The following WDFY4 variants were observed in gnomAD, a reference collection of about 807,000 sequenced individuals.
WDFY4 encodes WD repeat- and FYVE domain-containing protein 4.
In WDFY4, 169 loss-of-function variants were observed where a neutral mutation model predicts 351.9. The observed-to-expected ratio is 0.48, with a 90% CI of 0.42 to 0.55. The LOEUF is 0.55. WDFY4 is among the 20% of genes least tolerant of loss of function. WDFY4 has a pLI of 0.00. For missense variants in WDFY4, 3,803 were observed against 3,935.6 expected (o/e 0.97, Z 0.90); for synonymous variants, 1,622 against 1,574.6 (o/e 1.03, Z -0.71).
chr10:48,803,962 G>C (rs1411446966), intron 25 of WDFY4, among the ~76,000 whole-genome samples: 2 of 152,212 alleles, frequency 1.3e-5, no homozygotes, highest in African/African-American at 2.4e-5. Context: ...CTCCTGGGCA[G>C]CTCCTCAGAG....
In WDFY4 at chr10:48,792,735, G is replaced by A. The variant is rs567783101; in HGVS notation, c.4257+1818G>A. 2.1e-4 allele frequency among the ~76,000 whole-genome samples: 32 copies of A among 152,134 alleles called. No individual in the cohort carries two copies. The South Asian group carries it at 3.9e-3, about 19-fold the overall frequency. On this transcript the variant is annotated intron_variant, in intron 23 of 61. Transcript: ENST00000325239. The stretch of plus-strand genomic sequence containing the variant: ...TTTTAATATAAATAAAAATGCAATC[G>A]GTGTCCAAGATTCACATCAAGAACT...
chr10:48,704,118 T>C (rs922672523), intron 1 of WDFY4, among the ~76,000 whole-genome samples: 9 of 152,062 alleles, frequency 5.9e-5, no homozygotes, highest in African/African-American at 2.2e-4. Context: ...CTTCAGCTTC[T>C]CACTATGCTG....
chr10:48,920,355 G>A (rs531368621), intron 47 of WDFY4, among the ~76,000 whole-genome samples: 24 of 151,276 alleles, frequency 1.6e-4, no homozygotes, highest in Non-Finnish European at 3.2e-4. Flanking sequence ...ATCACACACC[G>A]GGGCCTGTTG....
chr10:48,969,329 G>A, intron 56 of WDFY4, 81 bp downstream of exon 56: 2 of 1,498,672 alleles, frequency 1.3e-6, no homozygotes, highest in South Asian at 1.2e-5. Flanking sequence ...CCAGAGATAA[G>A]TGAGTCCAAA....
chr10:48,834,742 A>G (rs924313441), intron 39 of WDFY4, among the ~76,000 whole-genome samples: 1 of 152,244 alleles, frequency 6.6e-6, no homozygotes, highest in African/African-American at 2.4e-5. Flanking sequence ...GGTGCTGGGC[A>G]TGGGCATTCA....
Position 48,941,827 on chromosome 10 carries a change from G to GT in WDFY4, c.7608_7609insT (p.Ile2537TyrfsTer15). 6.4e-7 allele frequency: 1 copy of GT among 1,552,246 alleles called. No homozygotes were observed. Among genetic ancestry groups the GT allele is most frequent in the Non-Finnish European group, 8.7e-7 (1 of 1,147,104 alleles). ...ACAGGAGATACCCCGGCTCTGACAGGATCATGCTGCAGAAGTGGCAGGTAC... is the reference window on the plus strand; with the variant it reads ...ACAGGAGATACCCCGGCTCTGACAGGTATCATGCTGCAGAAGTGGCAGGTAC... On this transcript the variant is annotated frameshift_variant, in exon 48 of 62. Coordinates refer to ENST00000325239, the MANE Select transcript of WDFY4 (RefSeq NM_001394531.1). LOFTEE classifies it high-confidence loss of function.
At chr10:48,764,861 T>C (rs1394185782) in intron 13 of WDFY4, among the ~76,000 whole-genome samples, 4 of 152,226 alleles carry the variant, frequency 2.6e-5, no homozygotes, top group Non-Finnish European at 5.9e-5. Context: ...AACAACATCC[T>C]GATGGCTATA....
intron 54 of WDFY4, among the ~76,000 whole-genome samples, chr10:48,965,992 T>C (rs892486726): frequency 6.6e-6 from 1 of 152,202 alleles, no homozygotes; most frequent in Non-Finnish European, 1.5e-5. Context: ...CACAATCTGA[T>C]GGCAGAGATT....
intron 38 of WDFY4, among the ~76,000 whole-genome samples, chr10:48,831,190 C>T (rs2068177030): frequency 6.6e-6 from 1 of 152,162 alleles, no homozygotes; most frequent in Non-Finnish European, 1.5e-5. Flanking sequence ...GGTTCTAGGT[C>T]CTACCCTGTT....
intron 11 of WDFY4, among the ~76,000 whole-genome samples, chr10:48,742,627 C>T (rs552299553): frequency 6.0e-4 from 91 of 152,216 alleles, no homozygotes; most frequent in Admixed American, 9.1e-4. Flanking sequence ...TAGAGTATGA[C>T]GAGAGTTTTG....
intron 12 of WDFY4, among the ~76,000 whole-genome samples, chr10:48,755,748 C>G (rs1252138611): frequency 6.6e-6 from 1 of 152,064 alleles, no homozygotes; most frequent in Non-Finnish European, 1.5e-5. Flanking sequence ...GTCTTGATTA[C>G]TGTGGCTTTG....
At chr10:48,896,977 C>T (rs2133391360) in intron 44 of WDFY4, among the ~76,000 whole-genome samples, 1 of 152,240 alleles carries the variant, frequency 6.6e-6, no homozygotes. Context: ...GTAGCTGGCA[C>T]AGCGCCAGGC....
chr10:48,772,437 AGT>A (rs1027197098), intron 13 of WDFY4, among the ~76,000 whole-genome samples: 1 of 147,708 alleles, frequency 6.8e-6, no homozygotes, highest in Non-Finnish European at 1.5e-5. Flanking sequence ...GGGGCATGTA[AGT>A]GTGTGTGTAT....
chr10:48,905,545 G>A (rs752636475), intron 47 of WDFY4, among the ~76,000 whole-genome samples: 48 of 152,180 alleles, frequency 3.2e-4, no homozygotes, highest in Non-Finnish European at 6.0e-4. Context: ...GGGTCTTCCA[G>A]GGCTATGCTG....
At chr10:48,864,093 C>G (rs1418232491) in intron 39 of WDFY4, among the ~76,000 whole-genome samples, 3 of 152,164 alleles carry the variant, frequency 2.0e-5, no homozygotes, top group Non-Finnish European at 1.5e-5. Flanking sequence ...CACACAAAGC[C>G]TAACCATATC....
At chr10:48,838,962 G>T (rs2068503172) in intron 39 of WDFY4, among the ~76,000 whole-genome samples, 1 of 152,176 alleles carries the variant, frequency 6.6e-6, no homozygotes, top group Admixed American at 6.5e-5. Context: ...CTGAGGCTGA[G>T]GGCACGTTGA....
chr10:48,843,887 G>A (rs957964400), intron 39 of WDFY4, among the ~76,000 whole-genome samples: 1 of 152,146 alleles, frequency 6.6e-6, no homozygotes, highest in African/African-American at 2.4e-5. Context: ...TAAATTAAGT[G>A]TTTTCAAAAA....
chr10:48,858,686 C>G (rs918768131), intron 39 of WDFY4, among the ~76,000 whole-genome samples: 52 of 152,148 alleles, frequency 3.4e-4, no homozygotes, highest in African/African-American at 1.2e-3. Flanking sequence ...TTTAACTCTC[C>G]TAGTCCCTTT....
At chr10:48,747,318 T>C (rs1370310897) in intron 12 of WDFY4, among the ~76,000 whole-genome samples, 1 of 152,218 alleles carries the variant, frequency 6.6e-6, no homozygotes, top group East Asian at 1.9e-4. Context: ...TGCTTTACTG[T>C]CATATATCTC....
Sources: gnomAD v4.1 joint callset for allele counts (sites outside exome capture counted in the v4.1 genomes callset) on GRCh38, gnomAD v4.1.1 for gene constraint, MANE v1.5 for transcripts, NCBI Gene and HGNC (gene_info 2026-07-23, HGNC 2026-07-21) for gene names.